The following SLC25A26 variants were observed in gnomAD, a reference collection of about 807,000 sequenced individuals.
The protein encoded by SLC25A26 is mitochondrial S-adenosylmethionine carrier protein.
A neutral mutation model predicts 37.8 loss-of-function variants in SLC25A26; 36 were observed. The observed-to-expected ratio is 0.95, with a 90% confidence interval of 0.73 to 1.26. SLC25A26 has a LOEUF of 1.26. Ranked by LOEUF, SLC25A26 falls within the 50% of genes most tolerant of loss-of-function variation. SLC25A26 has a pLI of 0.00. For synonymous variants in SLC25A26, 129 were observed against 122.5 expected (o/e 1.05, Z -0.35); for missense variants, 390 against 331.1 (o/e 1.18, Z -1.38).
upstream of SLC25A26, chr3:66,220,938 G>C (rs951618122): frequency 1.1e-5 from 9 of 784,168 alleles, no homozygotes; most frequent in Middle Eastern, 4.5e-4. Context: ...CTAGGCCCAG[G>C]TGTCTCGCGT....
At chr3:66,346,716 G>A (rs1477439636) in intron 6 of SLC25A26, among the ~76,000 whole-genome samples, 1 of 5,602 alleles carries the variant, frequency 1.8e-4, no homozygotes, top group Admixed American at 2.0e-3. Flanking sequence ...TGCTGTGTGC[G>A]TGTGTGTGTG....
intron 5 of SLC25A26, among the ~76,000 whole-genome samples, chr3:66,267,870 A>G (rs967442955): frequency 1.8e-4 from 28 of 152,108 alleles, no homozygotes; most frequent in African/African-American, 6.8e-4. Context: ...GGCAGTGGGG[A>G]TTCCCCTAAA....
At chr3:66,302,990 C>CATCCCCT (rs1351040238) in intron 5 of SLC25A26, among the ~76,000 whole-genome samples, 7 of 152,274 alleles carry the variant, frequency 4.6e-5, no homozygotes, top group Non-Finnish European at 8.8e-5. Context: ...CCCCCCTTTG[C>CATCCCCT]ATTCCAGGCT....
chr3:66,277,503 G>A (rs1006833440), intron 5 of SLC25A26, among the ~76,000 whole-genome samples: 2 of 151,968 alleles, frequency 1.3e-5, no homozygotes, highest in Non-Finnish European at 2.9e-5. Context: ...CAGGTTCTGG[G>A]TATTTAAGGT....
chr3:66,263,105 A>C (rs1020438607), intron 4 of SLC25A26, among the ~76,000 whole-genome samples: 2 of 152,246 alleles, frequency 1.3e-5, no homozygotes, highest in African/African-American at 4.8e-5. Flanking sequence ...CCTGTTTCAA[A>C]GAGAGCTAAT....
chr3:66,320,064 A>T (rs1359440776), intron 5 of SLC25A26, among the ~76,000 whole-genome samples: 2 of 152,176 alleles, frequency 1.3e-5, no homozygotes, highest in Non-Finnish European at 2.9e-5. Context: ...TTGAGACTAA[A>T]CTTTGAATTA....
At chr3:66,369,431 A>G (rs372231079) in intron 7 of SLC25A26, 47 bp from the exon 8 acceptor site, 3 of 1,523,682 alleles carry the variant, frequency 2.0e-6, no homozygotes, top group East Asian at 2.4e-5. Flanking sequence ...TTACAAAATT[A>G]TACAGTAAAC....
intron 1 of SLC25A26, among the ~76,000 whole-genome samples, chr3:66,230,907 G>T (rs1250084109): frequency 1.3e-5 from 2 of 152,036 alleles, no homozygotes; most frequent in African/African-American, 4.8e-5. Context: ...GGGTGCAGTG[G>T]CTTATGCCTG....
In SLC25A26 at chr3:66,153,528, G is replaced by A. The variant is rs116533090; in HGVS notation, c.-354+19544G>A. Among the ~76,000 whole-genome samples, 582 of 152,312 alleles carry A rather than the reference G, an allele frequency of 3.8e-3. 6 individuals carry two copies. The highest frequency in any genetic ancestry group is 0.013 in the African/African-American group (554 of 41,582). On this transcript the variant is annotated intron_variant, in intron 1 of 10. Transcript: ENST00000676754. Reference sequence around the variant, plus strand: ...TCTAGATGTTTAATCTGATAAAGTCGCTGCTGATGCAGGTGGCTCTGCAGA... The same window carrying A: ...TCTAGATGTTTAATCTGATAAAGTCACTGCTGATGCAGGTGGCTCTGCAGA...
intron 5 of SLC25A26, among the ~76,000 whole-genome samples, chr3:66,322,484 G>A (rs2075721992): frequency 6.6e-6 from 1 of 152,214 alleles, no homozygotes; most frequent in Admixed American, 6.5e-5. Context: ...TTCAACCACA[G>A]ATACACTTTT....
At chr3:66,177,639 A>G (rs1271406004) in intron 1 of SLC25A26, among the ~76,000 whole-genome samples, 3 of 152,224 alleles carry the variant, frequency 2.0e-5, no homozygotes, top group Non-Finnish European at 1.5e-5. Context: ...GTGACTGCCC[A>G]GGGGATGGGA....
At chr3:66,213,101 G>A (rs945506500) in intron 1 of SLC25A26, among the ~76,000 whole-genome samples, 3 of 152,188 alleles carry the variant, frequency 2.0e-5, no homozygotes, top group Admixed American at 1.3e-4. Context: ...GGAATTTCAA[G>A]AACTAGGCCT....
intron 1 of SLC25A26, among the ~76,000 whole-genome samples, chr3:66,192,317 CAAA>C (rs1229602690): frequency 2.7e-5 from 3 of 111,238 alleles, no homozygotes; most frequent in African/African-American, 7.1e-5. Context: ...CTCCATGTCA[CAAA>C]AAAAAAAAAA....
intron 1 of SLC25A26, among the ~76,000 whole-genome samples, chr3:66,176,005 G>A (rs917288473): frequency 6.8e-6 from 1 of 146,756 alleles, no homozygotes; most frequent in Admixed American, 7.2e-5. Flanking sequence ...AACAGTAATG[G>A]TTGTTAAATT....
At chr3:66,224,097 G>T (rs538399881) in intron 1 of SLC25A26, among the ~76,000 whole-genome samples, 1 of 152,198 alleles carries the variant, frequency 6.6e-6, no homozygotes, top group African/African-American at 2.4e-5. Context: ...AAAATTAAGA[G>T]AAAAACATTG....
chr3:66,193,124 A>G (rs2070977280), intron 1 of SLC25A26, among the ~76,000 whole-genome samples: 3 of 152,198 alleles, frequency 2.0e-5, no homozygotes, highest in Admixed American at 2.0e-4. Flanking sequence ...TAAATTTAAT[A>G]TAATACATAC....
At chr3:66,305,229 T>A (rs546348632) in intron 5 of SLC25A26, among the ~76,000 whole-genome samples, 1 of 152,346 alleles carries the variant, frequency 6.6e-6, no homozygotes, top group East Asian at 1.9e-4. Context: ...GAAATGGATT[T>A]CTTTTCTGTT....
intron 1 of SLC25A26, among the ~76,000 whole-genome samples, chr3:66,143,576 G>T (rs79705855): frequency 6.6e-6 from 1 of 151,952 alleles, no homozygotes; most frequent in Non-Finnish European, 1.5e-5. Flanking sequence ...TGCAAATGAG[G>T]TCCCTCGTTT....
intron 5 of SLC25A26, among the ~76,000 whole-genome samples, chr3:66,320,498 C>T (rs554058820): frequency 3.3e-5 from 5 of 152,252 alleles, no homozygotes; most frequent in East Asian, 1.9e-4. Context: ...AATGGTCACC[C>T]GGGTTGTTTC....
Sources: gnomAD v4.1 joint callset for allele counts (sites outside exome capture counted in the v4.1 genomes callset) on GRCh38, gnomAD v4.1.1 for gene constraint, MANE v1.5 for transcripts, NCBI Gene and HGNC (gene_info 2026-07-23, HGNC 2026-07-21) for gene names.